The following RALA variants were observed in gnomAD, a reference collection of about 807,000 sequenced individuals.
RALA encodes the protein ras-related protein Ral-A.
A neutral mutation model predicts 24.0 loss-of-function variants in RALA; 5 were observed. The ratio of observed to expected loss-of-function variants is 0.21; its 90% confidence interval spans 0.11 to 0.44. The LOEUF (loss-of-function observed/expected upper bound fraction) is 0.44, where lower values mean the gene tolerates loss of function less well. RALA is among the 20% of genes least tolerant of loss of function. RALA has a pLI of 0.99. For synonymous variants in RALA, 77 were observed against 83.8 expected (o/e 0.92, Z 0.44); for missense variants, 95 against 241.2 (o/e 0.39, Z 4.01).
At chr7:39,678,401 G>A (rs1792527185) in intron 1 of RALA, among the ~76,000 whole-genome samples, 1 of 152,088 alleles carries the variant, frequency 6.6e-6, no homozygotes, top group Non-Finnish European at 1.5e-5. Flanking sequence ...AGTAAGGTAG[G>A]CCCTTGGTGT....
At chr7:39,657,529 G>T (rs545982625) in intron 1 of RALA, among the ~76,000 whole-genome samples, 8 of 152,276 alleles carry the variant, frequency 5.3e-5, no homozygotes, top group African/African-American at 1.9e-4. Flanking sequence ...GACGGTCCCA[G>T]GAAAGCCCTA....
rs1792896464 is a variant in RALA, at chr7:39,695,189, A to G, written c.324-1496A>G. On this transcript the variant is annotated intron_variant, in intron 3 of 4. Transcript: ENST00000005257. ...TCGTCCCTCAGTATCAGGGCAGGGCAGGGATTGGTTCCAGGACTCCTTATG... is the reference window on the plus strand; with the variant it reads ...TCGTCCCTCAGTATCAGGGCAGGGCGGGGATTGGTTCCAGGACTCCTTATG... Among the ~76,000 whole-genome samples, 4 of 152,190 alleles carry G rather than the reference A, an allele frequency of 2.6e-5. No homozygotes were observed. In the South Asian group the frequency reaches 8.3e-4, roughly 32 times the overall value.
intron 2 of RALA, 65 bp from the exon 3 acceptor site, chr7:39,690,317 A>T: frequency 7.2e-7 from 1 of 1,396,582 alleles, no homozygotes; most frequent in Non-Finnish European, 9.8e-7. Context: ...ATGAATTTAT[A>T]ATTATTTCAA....
At chr7:39,667,853 AACCTGTT>A (rs1792312031) in intron 1 of RALA, among the ~76,000 whole-genome samples, 1 of 152,206 alleles carries the variant, frequency 6.6e-6, no homozygotes, top group African/African-American at 2.4e-5. Context: ...CCAATCTGTC[AACCTGTT>A]TCTTGCCCAT....
chr7:39,636,108 T>C (rs1206098457), intron 1 of RALA, among the ~76,000 whole-genome samples: 3 of 152,248 alleles, frequency 2.0e-5, no homozygotes, highest in South Asian at 4.1e-4. Flanking sequence ...CATTCATCAG[T>C]TGATGGACAT....
intron 4 of RALA, among the ~76,000 whole-genome samples, chr7:39,701,697 G>A (rs1006808233): frequency 2.0e-5 from 3 of 152,128 alleles, no homozygotes; most frequent in Admixed American, 6.5e-5. Flanking sequence ...TGGCTCATGC[G>A]TTATCCTCAT....
intron 4 of RALA, among the ~76,000 whole-genome samples, chr7:39,697,930 AAGGTT>A (rs1406308074): frequency 6.7e-6 from 1 of 149,488 alleles, no homozygotes; most frequent in African/African-American, 2.5e-5. Flanking sequence ...AATTTTTTCT[AAGGTT>A]AGGACTAGGG....
intron 1 of RALA, among the ~76,000 whole-genome samples, chr7:39,657,776 G>C (rs1351966343): frequency 1.3e-5 from 2 of 148,992 alleles, no homozygotes; most frequent in Non-Finnish European, 3.0e-5. Context: ...GAAAAAAAAT[G>C]TTAATGAAAT....
rs929687371 is a variant in RALA, at chr7:39,707,168, C to G, written c.*923C>G. The G allele has an allele frequency of 1.3e-5, 2 of 152,346 alleles. No individual in the cohort carries two copies. Among genetic ancestry groups the G allele is most frequent in the East Asian group, 3.9e-4 (2 of 5,194 alleles). 9.4% of individuals were successfully genotyped at this position (152,346 alleles called of 1,614,324 possible). ...CAGCACCAGTTATGTTTGAATGAACCCTCCTTTTCTCTGAGATTCTGGTCC... is the reference window on the plus strand; with the variant it reads ...CAGCACCAGTTATGTTTGAATGAACGCTCCTTTTCTCTGAGATTCTGGTCC... On this transcript the variant is annotated 3_prime_UTR_variant, in exon 5 of 5. Transcript: ENST00000005257.
intron 1 of RALA, among the ~76,000 whole-genome samples, chr7:39,684,539 A>G (rs1461229980): frequency 6.6e-6 from 1 of 151,946 alleles, no homozygotes; most frequent in Non-Finnish European, 1.5e-5. Flanking sequence ...TGAGGCACAG[A>G]CCCATGGCAG....
chr7:39,684,048 C>T (rs1444947343), intron 1 of RALA, among the ~76,000 whole-genome samples: 1 of 152,210 alleles, frequency 6.6e-6, no homozygotes, highest in Non-Finnish European at 1.5e-5. Context: ...CAGCATGCTT[C>T]ATAAACTGGC....
intron 1 of RALA, among the ~76,000 whole-genome samples, chr7:39,665,108 C>T (rs778792668): frequency 1.3e-5 from 2 of 152,094 alleles, no homozygotes; most frequent in African/African-American, 4.8e-5. Context: ...CAATGCATTT[C>T]TTTAGCTACA....
chr7:39,639,063 G>A (rs552583641), intron 1 of RALA, among the ~76,000 whole-genome samples: 5 of 152,252 alleles, frequency 3.3e-5, no homozygotes, highest in Middle Eastern at 3.4e-3. Context: ...TAATGTCATA[G>A]GTAGGTTCTT....
chr7:39,688,448 A>G (rs1222730055), intron 2 of RALA, among the ~76,000 whole-genome samples: 4 of 152,036 alleles, frequency 2.6e-5, no homozygotes, highest in African/African-American at 9.7e-5. Context: ...TTTAAATGAA[A>G]TTACTGATTT....
chr7:39,665,246 T>C (rs184263221), intron 1 of RALA, among the ~76,000 whole-genome samples: 5 of 152,230 alleles, frequency 3.3e-5, no homozygotes, highest in Admixed American at 3.3e-4. Context: ...ATGAAAATGA[T>C]GAGAATGAAG....
At chr7:39,679,880 T>G (rs1792557643) in intron 1 of RALA, among the ~76,000 whole-genome samples, 1 of 152,020 alleles carries the variant, frequency 6.6e-6, no homozygotes, top group Non-Finnish European at 1.5e-5. Flanking sequence ...CTGGCTAATT[T>G]TTATATTTTT....
At position 39,645,400 on chromosome 7, in the gene RALA, GTGTT is replaced by G. The variant is rs1334399180; in HGVS notation, c.-38+21577_-38+21580del. Among the ~76,000 whole-genome samples the G allele has an allele frequency of 2.6e-5, 4 of 152,286 alleles. No homozygotes were observed. The East Asian group carries it at 5.8e-4, about 22-fold the overall frequency. On this transcript the variant is annotated intron_variant, in intron 1 of 4. Coordinates refer to ENST00000005257, the MANE Select transcript of RALA (RefSeq NM_005402.4). ...TTGAGATGAATGTTGTTACTAATGTGTGTTTTCTTAATTCTTAAACTGGGACACA... is the reference window on the plus strand; with the variant it reads ...TTGAGATGAATGTTGTTACTAATGTGTTCTTAATTCTTAAACTGGGACACA...
At chr7:39,693,145 A>G (rs1416459923) in intron 3 of RALA, among the ~76,000 whole-genome samples, 1 of 152,202 alleles carries the variant, frequency 6.6e-6, no homozygotes, top group Non-Finnish European at 1.5e-5. Context: ...ACTACTCACA[A>G]TAGTAAAGAC....
chr7:39,626,547 G>C (rs1230419466), intron 1 of RALA, among the ~76,000 whole-genome samples: 2 of 152,194 alleles, frequency 1.3e-5, no homozygotes, highest in South Asian at 2.1e-4. Context: ...GTCCTGGCCA[G>C]GTGGCCTCAA....
Sources: gnomAD v4.1 joint callset for allele counts (sites outside exome capture counted in the v4.1 genomes callset) on GRCh38, gnomAD v4.1.1 for gene constraint, MANE v1.5 for transcripts, NCBI Gene and HGNC (gene_info 2026-07-23, HGNC 2026-07-21) for gene names.